ABCF1: variants seen among roughly 807,000 people sequenced by gnomAD.
The protein encoded by ABCF1 is ATP-binding cassette sub-family F member 1.
In ABCF1, 73 loss-of-function variants were observed where a neutral mutation model predicts 126.3. The observed-to-expected ratio is 0.58, with a 90% CI of 0.48 to 0.70. ABCF1 has a LOEUF of 0.70. Among genes scored for constraint, ABCF1 ranks in the 30% least tolerant of loss-of-function variants. The pLI, the probability that ABCF1 is intolerant of heterozygous loss-of-function variation, is 0.00. For synonymous variants in ABCF1, 345 were observed against 396.4 expected, an observed-to-expected ratio of 0.87 and a Z score of 1.54; for missense variants, 786 against 1,057.5, an observed-to-expected ratio of 0.74 and a Z score of 3.56.
chr6:30,578,563 A>C lies in ABCF1; in HGVS notation c.475A>C (p.Asn159His), dbSNP rs750059982. The change falls in exon 6 of 25, where the codon AAT becomes CAT. Residue 159 changes from asparagine (N) to histidine (H), a missense_variant. Asn to His is a moderately conservative substitution (Grantham distance 68). Around this residue, in one of 4 missense-constraint regions of ABCF1, gnomAD observed 322 missense variants for 322.9 expected, o/e 1.00. Transcript: ENST00000326195. ...TCCTAAGCCTGCCAAGCCGGAGAAG[A>C]ATCGGATCAATAAGGTGACAGTGGT... ...HPPKPAKPEKNRINKAVSEEQ... is the reference protein window; with the variant it reads ...HPPKPAKPEKHRINKAVSEEQ... 6.8e-6 allele frequency: 11 copies of C among 1,613,864 alleles called. No individual in the cohort carries two copies. The highest frequency in any genetic ancestry group is 9.3e-6 in the Non-Finnish European group (11 of 1,179,878).
At position 30,580,497 on chromosome 6, in the gene ABCF1, A is replaced by C; in HGVS notation, c.656A>C (p.Glu219Ala). The C allele has an allele frequency of 6.6e-7, 1 of 1,522,106 alleles. No individual in the cohort carries two copies. The highest frequency in any genetic ancestry group is 8.7e-7 in the Non-Finnish European group (1 of 1,147,528). 94.3% of individuals were successfully genotyped at this position (1,522,106 alleles called of 1,614,324 possible). A position where few individuals can be genotyped will look rare whatever the true frequency, so the allele number is the denominator to read the frequency against. ...AAGGAGCCTCCCAAACAAGGGAAGG[A>C]GAAGGCCAAGAAGGCAGAGCAGGTG... ...KEKEPPKQGK[E>A]KAKKAEQGSE... The change falls in exon 8 of 25, where the codon GAG becomes GCG. Residue 219 changes from glutamate (E) to alanine (A), a missense_variant. Glu to Ala is a moderately radical substitution (Grantham distance 107). This residue lies in a region of ABCF1 where 322 missense variants were observed against 322.9 expected (regional missense o/e 1.00). Transcript: ENST00000326195.
chr6:30,577,219 G>A (rs985066957), intron 1 of ABCF1, among the ~76,000 whole-genome samples, 190 bp from the exon 2 acceptor site: 1 of 152,216 alleles, frequency 6.6e-6, no homozygotes, highest in Non-Finnish European at 1.5e-5. Flanking sequence ...TAGATACTTA[G>A]TGGATGAATG....
In ABCF1 at chr6:30,583,805, C is replaced by G. The variant is rs768632906; in HGVS notation, c.1017C>G (p.Gly339=). ...GGTCCTAATAGCTTTTATTCCCCAG[C>G]AAGGGCAAGACCACACTCCTCAAGC... ...GRRYGLVGPN[G]KGKTTLLKHI... Residue 339 remains glycine, a splice_region_variant and synonymous_variant, in exon 12 of 25, where the codon GGC becomes GGG. Transcript: ENST00000326195. This position sits in a 1 kb window ranked among gnomAD's most constrained non-coding sequence, Gnocchi z 4.1. 1.2e-5 allele frequency: 20 copies of G among 1,614,120 alleles called. No individual in the cohort carries two copies. Among genetic ancestry groups the G allele is most frequent in the Non-Finnish European group, 1.7e-5 (20 of 1,180,010 alleles).
intron 20 of ABCF1, among the ~76,000 whole-genome samples, chr6:30,588,766 TATCCAG>T (rs1404282098): frequency 6.6e-6 from 1 of 152,126 alleles, no homozygotes; most frequent in Non-Finnish European, 1.5e-5. Context: ...CATTTTCTCA[TATCCAG>T]AGATTAGATC....
In ABCF1 at chr6:30,578,087, G is replaced by A. The variant is rs755114921; in HGVS notation, c.228G>A (p.Lys76=). ...TTTGCTCTCAGCAGCAAAAAAAAAAGCGAGATACCCGAAAAGGCAGGCGGA... is the reference window on the plus strand; with the variant it reads ...TTTGCTCTCAGCAGCAAAAAAAAAAACGAGATACCCGAAAAGGCAGGCGGA... The part of the protein sequence containing the change: ...QQQQQQQQKK[K]RDTRKGRRKK... The change falls in exon 4 of 25, where the codon AAG becomes AAA. Residue 76 remains lysine (K), a synonymous_variant. Coordinates refer to ENST00000326195, the MANE Select transcript of ABCF1 (RefSeq NM_001025091.2). The A allele has an allele frequency of 1.2e-6, 2 of 1,613,710 alleles. No individual in the cohort carries two copies. Among genetic ancestry groups the A allele is most frequent in the Non-Finnish European group, 1.7e-6 (2 of 1,179,922 alleles).
rs757065413 is a variant in ABCF1, at chr6:30,582,513, A to G, written c.792+6A>G. ...AGAAAAAGCTGAAAAAACAGGTAAG[A>G]CCTTGGTTCTTAGCGGTCAAAAGTA... On this transcript the variant is annotated splice_donor_region_variant and intron_variant, in intron 9 of 24. Coordinates refer to ENST00000326195, the MANE Select transcript of ABCF1 (RefSeq NM_001025091.2). 6.2e-7 allele frequency: 1 copy of G among 1,612,532 alleles called. No individual in the cohort carries two copies. The highest frequency in any genetic ancestry group is 8.5e-7 in the Non-Finnish European group (1 of 1,179,904).
At chr6:30,585,217 A>G in intron 14 of ABCF1, 43 bp from the exon 15 acceptor site, 2 of 1,553,390 alleles carry the variant, frequency 1.3e-6, no homozygotes, top group Non-Finnish European at 8.9e-7. Context: ...CTGAGCAAGG[A>G]TCTTTCTCTC....
At chr6:30,578,658 C>T in intron 6 of ABCF1, 81 bp downstream of exon 6, 1 of 1,204,540 alleles carries the variant, frequency 8.3e-7, no homozygotes, top group Non-Finnish European at 1.2e-6. Context: ...CGCTTTTAAA[C>T]TAGCTCTTCT....
At position 30,585,819 on chromosome 6, in the gene ABCF1, G is replaced by A. The variant is rs1582594670; in HGVS notation, c.1601-60G>A. On this transcript the variant is annotated intron_variant, in intron 16 of 24. Transcript: ENST00000326195. Reference sequence around the variant, plus strand: ...CCTACCCCATCACCACCAGTCCCTGGTTGTCCCTTTGCTGGGAAGAGGAGC... The same window carrying A: ...CCTACCCCATCACCACCAGTCCCTGATTGTCCCTTTGCTGGGAAGAGGAGC... 10 of 1,560,682 alleles carry A rather than the reference G, an allele frequency of 6.4e-6. No individual in the cohort carries two copies. In the Admixed American group the frequency reaches 1.8e-4, roughly 29 times the overall value.
Position 30,590,186 on chromosome 6 carries a change from C to G in ABCF1, c.2271C>G (p.Ala757=). 2 of 1,613,086 alleles carry G rather than the reference C, an allele frequency of 1.2e-6. No homozygotes were observed. Among genetic ancestry groups the G allele is most frequent in the Non-Finnish European group, 1.7e-6 (2 of 1,180,026 alleles). The change falls in exon 23 of 25, where the codon GCC becomes GCG. Residue 757 remains alanine, a synonymous_variant. Transcript: ENST00000326195. Reference sequence around the variant, plus strand: ...CGCGAGTTGTGTTTGCTGAGCTGGCCTGTCGGGAACCTGATGTCCTCATCT... The same window carrying G: ...CGCGAGTTGTGTTTGCTGAGCTGGCGTGTCGGGAACCTGATGTCCTCATCT... ...QKARVVFAEL[A]CREPDVLILD...
At position 30,586,111 on chromosome 6, in the gene ABCF1, T is replaced by G; in HGVS notation, c.1714-23T>G. On this transcript the variant is annotated intron_variant, in intron 17 of 24. Transcript: ENST00000326195. The surrounding 1 kb of genome is among the most constrained non-coding windows in gnomAD (Gnocchi z 4.9). ...GACTGCCGCGCAGGGCTCAGGTTTC[T>G]CTTTTTTCCTCTTCCTCTCCAGGAA... 1 of 1,607,252 alleles carries G rather than the reference T, an allele frequency of 6.2e-7. No individual in the cohort carries two copies. The highest frequency in any genetic ancestry group is 8.5e-7 in the Non-Finnish European group (1 of 1,177,638).
Position 30,574,234 on chromosome 6 carries a change from A to G in ABCF1, c.73+2674A>G, listed in dbSNP as rs1243116372. On this transcript the variant is annotated intron_variant, in intron 1 of 24. Coordinates refer to ENST00000326195, the MANE Select transcript of ABCF1 (RefSeq NM_001025091.2). This position sits in a 1 kb window ranked among gnomAD's most constrained non-coding sequence, Gnocchi z 4.3. The stretch of plus-strand genomic sequence containing the variant: ...TCACTGCAGCCTCAATCGCAGGCTC[A>G]AGCCATCTTCCCTTGTAGCTGGGAC... Among the ~76,000 whole-genome samples the G allele has an allele frequency of 2.0e-5, 3 of 151,758 alleles. No individual in the cohort carries two copies. The highest frequency in any genetic ancestry group is 2.1e-4 in the South Asian group (1 of 4,816).
chr6:30,582,345 C>A, intron 8 of ABCF1, 49 bp from the exon 9 acceptor site: 1 of 1,258,298 alleles, frequency 7.9e-7, no homozygotes, highest in Non-Finnish European at 1.1e-6. Flanking sequence ...CGTGAGCCAC[C>A]GCGCCCAGCC....
rs990251989 is a variant in ABCF1, at chr6:30,571,462, C to T, written c.-26C>T. Reference sequence around the variant, plus strand: ...GAAGCGGAAATAGCACCGGGCGCCGCCACAGTAGCTGTAACTGCCACCGCG... The same window carrying T: ...GAAGCGGAAATAGCACCGGGCGCCGTCACAGTAGCTGTAACTGCCACCGCG... On this transcript the variant is annotated 5_prime_UTR_variant, in exon 1 of 25. Transcript: ENST00000326195. The T allele has an allele frequency of 2.2e-5, 35 of 1,601,098 alleles. No homozygotes were observed. The highest frequency in any genetic ancestry group is 3.0e-5 in the Non-Finnish European group (35 of 1,174,692).
chr6:30,585,821 T>C, intron 16 of ABCF1, 58 bp from the exon 17 acceptor site: 1 of 1,557,952 alleles, frequency 6.4e-7, no homozygotes, highest in Non-Finnish European at 8.7e-7. Flanking sequence ...AGTCCCTGGT[T>C]GTCCCTTTGC....
chr6:30,586,957 A>G lies in ABCF1; in HGVS notation c.2031+246A>G, dbSNP rs977597646. Among the ~76,000 whole-genome samples, 5 of 152,114 alleles carry G rather than the reference A, an allele frequency of 3.3e-5. No individual in the cohort carries two copies. The highest frequency in any genetic ancestry group is 1.2e-4 in the African/African-American group (5 of 41,416). On this transcript the variant is annotated intron_variant, in intron 20 of 24. Coordinates refer to ENST00000326195, the MANE Select transcript of ABCF1 (RefSeq NM_001025091.2). The surrounding 1 kb of genome is among the most constrained non-coding windows in gnomAD (Gnocchi z 4.9). ...CGTGTTTTGGTTATACAAGAAATAT[A>G]TGTCTTTTATAGAACGATTAAAAAT...
At chr6:30,581,046 CAT>C (rs1160788845) in intron 8 of ABCF1, among the ~76,000 whole-genome samples, 2 of 151,838 alleles carry the variant, frequency 1.3e-5, no homozygotes, top group Non-Finnish European at 2.9e-5. Context: ...ATCTCTATCA[CAT>C]ATTCTTTTTT....
rs1802018893 is a variant in ABCF1, at chr6:30,584,707, T to C, written c.1391+141T>C. On this transcript the variant is annotated intron_variant, in intron 14 of 24. Coordinates refer to ENST00000326195, the MANE Select transcript of ABCF1 (RefSeq NM_001025091.2). This position sits in a 1 kb window ranked among gnomAD's most constrained non-coding sequence, Gnocchi z 4.6. ...CCTTACTATCTGTGTTGTGAGAACT[T>C]AGGGTCTTTCTCTATTTATCTCCCT... is the stretch of plus-strand genomic sequence containing the variant. The C allele has an allele frequency of 5.7e-6, 7 of 1,220,568 alleles. No homozygotes were observed. The highest frequency in any genetic ancestry group is 5.4e-5 in the Admixed American group (2 of 36,886). 75.6% of individuals were successfully genotyped at this position (1,220,568 alleles called of 1,614,324 possible). A position where few individuals can be genotyped will look rare whatever the true frequency, so the allele number is the denominator to read the frequency against.
Position 30,585,945 on chromosome 6 carries a change from A to G in ABCF1, c.1667A>G (p.Lys556Arg), listed in dbSNP as rs1802096250. ...CTGAAACAGTATGAGAAGCAAGAGA[A>G]AAAGCTGAAGGAGCTGAAGGCAGGC... ...ELLKQYEKQE[K>R]KLKELKAGGK... The change falls in exon 17 of 25, where the codon AAA becomes AGA. Residue 556 changes from lysine (K) to arginine (R), a missense_variant. Lys to Arg is a conservative substitution (Grantham distance 26, BLOSUM62 2). Around this residue, in one of 4 missense-constraint regions of ABCF1, gnomAD observed 288 missense variants for 423.5 expected, o/e 0.68. Transcript: ENST00000326195. 1 of 1,611,380 alleles carries G rather than the reference A, an allele frequency of 6.2e-7. No individual in the cohort carries two copies. Among genetic ancestry groups the G allele is most frequent in the Non-Finnish European group, 8.5e-7 (1 of 1,178,918 alleles).
Sources: allele counts gnomAD v4.1 joint callset (sites outside exome capture counted in the v4.1 genomes callset), GRCh38; gene constraint gnomAD v4.1.1; regional missense constraint gnomAD v4.1.1; non-coding constraint Gnocchi (gnomAD v3.1); transcripts MANE v1.5; gene names NCBI Gene and HGNC (gene_info 2026-07-23, HGNC 2026-07-21).